The following MPP7 variants were observed in gnomAD, a reference collection of about 807,000 sequenced individuals.
MPP7 encodes the protein MAGUK p55 scaffold protein 7.
A neutral mutation model predicts 76.5 loss-of-function variants in MPP7; 60 were observed. The ratio of observed to expected loss-of-function variants is 0.78; its 90% confidence interval spans 0.64 to 0.97. MPP7 has a LOEUF of 0.97. MPP7 is among the 50% of genes least tolerant of loss of function. The probability of loss-of-function intolerance (pLI) is 0.00; values close to 1 mark genes in which losing one functional copy is unlikely to be tolerated. For missense variants in MPP7, 641 were observed against 694.0 expected, an observed-to-expected ratio of 0.92 and a Z score of 0.86; for synonymous variants, 237 against 244.5, an observed-to-expected ratio of 0.97 and a Z score of 0.29.
intron 1 of MPP7, among the ~76,000 whole-genome samples, chr10:28,269,386 A>C (rs962898366): frequency 6.6e-6 from 1 of 152,216 alleles, no homozygotes; most frequent in African/African-American, 2.4e-5. Context: ...TAAATTGGGT[A>C]GTGATTATGC....
chr10:28,132,598 T>TTTTTTA (rs917257844), intron 5 of MPP7, among the ~76,000 whole-genome samples: 6 of 152,016 alleles, frequency 3.9e-5, no homozygotes, highest in Non-Finnish European at 8.8e-5. Context: ...CCCAGCTATT[T>TTTTTTA]TTTTTATTTT....
intron 1 of MPP7, among the ~76,000 whole-genome samples, chr10:28,241,583 A>G (rs531680015): frequency 4.6e-5 from 7 of 152,200 alleles, no homozygotes; most frequent in Non-Finnish European, 1.0e-4. Context: ...GAACGCAGCC[A>G]TAATTATTAC....
chr10:28,297,736 A>T (rs1014435333), intron 1 of MPP7, among the ~76,000 whole-genome samples: 4 of 152,130 alleles, frequency 2.6e-5, no homozygotes, highest in African/African-American at 9.7e-5. Flanking sequence ...ACATCAACTC[A>T]CTCTGCCTTT....
chr10:28,098,349 C>A (rs1282245933), intron 11 of MPP7, among the ~76,000 whole-genome samples: 1 of 151,754 alleles, frequency 6.6e-6, no homozygotes, highest in Non-Finnish European at 1.5e-5. Context: ...ATCATACTTA[C>A]ACTATGAGTT....
chr10:28,286,285 G>T (rs7090142), intron 1 of MPP7, among the ~76,000 whole-genome samples: 2,300 of 152,058 alleles, frequency 0.015, 37 homozygotes, highest in East Asian at 0.07. Flanking sequence ...GGCAGAGCTT[G>T]CAGTGAGCCG....
chr10:28,195,871 T>A (rs1353406809), intron 3 of MPP7, among the ~76,000 whole-genome samples: 2 of 152,184 alleles, frequency 1.3e-5, no homozygotes, highest in Non-Finnish European at 1.5e-5. Context: ...TTGGCAATGG[T>A]TGCACAATCC....
rs1435160309 is a variant in MPP7, at chr10:28,120,275, T to C, written c.806A>G (p.Asp269Gly). The part of the protein sequence containing the change: ...GDILQIMSQD[D>G]ATWWQAKHEA... ...GTGTTTCGCTTGCCACCAAGTTGCA[T>C]CATCTTGGCTCATAATCTGAAGAAT... Residue 269 changes from aspartate to glycine, a missense_variant, in exon 10 of 17, where the codon GAT (aspartate) becomes GGT (glycine). Physicochemically the swap from Asp to Gly is moderately conservative, Grantham distance 94 (BLOSUM62 -1). Coordinates refer to ENST00000683449, the MANE Select transcript of MPP7 (RefSeq NM_001318170.2). The C allele has an allele frequency of 1.9e-6, 3 of 1,614,074 alleles. No homozygotes were observed. The South Asian group carries it at 3.3e-5, about 18-fold the overall frequency.
At chr10:28,322,952 A>G (rs1358973280) in intron 2 of MPP7, among the ~76,000 whole-genome samples, 1 of 152,082 alleles carries the variant, frequency 6.6e-6, no homozygotes, top group Admixed American at 6.6e-5. Flanking sequence ...CAGGAGTTCA[A>G]GACCAGACTG....
intron 1 of MPP7, among the ~76,000 whole-genome samples, chr10:28,288,943 G>A (rs893455647): frequency 2.0e-5 from 3 of 152,124 alleles, no homozygotes; most frequent in Admixed American, 6.6e-5. Flanking sequence ...GGTGGGGGAA[G>A]TCAGCAGCAC....
chr10:28,333,206 A>T (rs1834486419), intron 1 of MPP7, among the ~76,000 whole-genome samples: 2 of 152,174 alleles, frequency 1.3e-5, no homozygotes, highest in African/African-American at 4.8e-5. Context: ...GTGCAATGGC[A>T]CGATCTCAGC....
chr10:28,285,760 T>C (rs1418485653), intron 1 of MPP7, among the ~76,000 whole-genome samples: 2 of 151,982 alleles, frequency 1.3e-5, no homozygotes, highest in Non-Finnish European at 2.9e-5. Flanking sequence ...AATCAAGATC[T>C]GATTACTATT....
At chr10:28,200,144 A>T (rs1056724547) in intron 3 of MPP7, among the ~76,000 whole-genome samples, 1 of 152,200 alleles carries the variant, frequency 6.6e-6, no homozygotes, top group African/African-American at 2.4e-5. Flanking sequence ...CTTGGAATAC[A>T]GTTAAGCGGT....
chr10:28,111,312 T>C (rs73606062), intron 11 of MPP7, among the ~76,000 whole-genome samples: 2,913 of 152,230 alleles, frequency 0.019, 93 homozygotes, highest in African/African-American at 0.065. Flanking sequence ...AACAAATAAA[T>C]AGAATTTATG....
intron 3 of MPP7, among the ~76,000 whole-genome samples, chr10:28,164,200 C>T (rs1356666966): frequency 2.6e-5 from 4 of 151,998 alleles, no homozygotes; most frequent in Admixed American, 2.0e-4. Context: ...CAGGGAGAAC[C>T]GACTGTCTGC....
chr10:28,289,874 A>G (rs1276263075), intron 1 of MPP7, among the ~76,000 whole-genome samples: 1 of 152,198 alleles, frequency 6.6e-6, no homozygotes, highest in Admixed American at 6.5e-5. Flanking sequence ...GCTGGAGTAC[A>G]GTGGTATAAT....
chr10:28,303,332 A>C (rs1440128401), upstream of MPP7: 1 of 151,998 alleles, frequency 6.6e-6, no homozygotes, highest in African/African-American at 2.4e-5. Context: ...CTTGGTTCCC[A>C]CTCCCAGGTG....
chr10:28,193,636 A>T (rs1448052238), intron 3 of MPP7, among the ~76,000 whole-genome samples: 1 of 152,220 alleles, frequency 6.6e-6, no homozygotes, highest in East Asian at 1.9e-4. Context: ...ATGAAAAGAC[A>T]AACTGGGAGA....
intron 1 of MPP7, among the ~76,000 whole-genome samples, chr10:28,262,212 T>C (rs1320980491): frequency 3.5e-5 from 2 of 57,540 alleles, no homozygotes; most frequent in Non-Finnish European, 2.9e-5. Flanking sequence ...TATATACATA[T>C]ATATATATAT....
chr10:28,320,832 G>GTTTT (rs5784052), intron 2 of MPP7, among the ~76,000 whole-genome samples: 17,204 of 148,534 alleles, frequency 0.12, 1,215 homozygotes, highest in African/African-American at 0.19. Flanking sequence ...TTTTTTGTTT[G>GTTTT]TTTTTTTTTT....
Sources: gnomAD v4.1 joint callset for allele counts (sites outside exome capture counted in the v4.1 genomes callset) on GRCh38, gnomAD v4.1.1 for gene constraint, MANE v1.5 for transcripts, NCBI Gene and HGNC (gene_info 2026-07-23, HGNC 2026-07-21) for gene names.